Variants in DPH5 observed in about 807,000 individuals in gnomAD.
DPH5 encodes the protein diphthamide biosynthesis 5, also known as diphthine methyl ester synthase.
In DPH5, 31 loss-of-function variants were observed where a neutral mutation model predicts 31.6. The observed-to-expected ratio is 0.98, with a 90% CI of 0.74 to 1.32. The LOEUF is 1.32. Ranked by LOEUF, DPH5 falls within the 40% of genes most tolerant of loss-of-function variation. DPH5 has a pLI of 0.00. For missense variants in DPH5, 309 were observed against 335.7 expected, an observed-to-expected ratio of 0.92 and a Z score of 0.62; for synonymous variants, 120 against 115.0, an observed-to-expected ratio of 1.04 and a Z score of -0.28.
In DPH5 at chr1:101,025,313, G is replaced by GCTT. The variant is rs746152114; in HGVS notation, c.128_130dup (p.Glu43dup). ...TGGGGAACGCTCAGCACCTACCAAG[G>GCTT]CTTCCTTCCCTACAGTTAGGACTGA... is the stretch of plus-strand genomic sequence containing the variant. On this transcript the variant is annotated inframe_insertion, in exon 2 of 8. Coordinates refer to ENST00000370109, the MANE Select transcript of DPH5 (RefSeq NM_015958.3). 6.2e-7 allele frequency: 1 copy of GCTT among 1,613,880 alleles called. No individual in the cohort carries two copies. The highest frequency in any genetic ancestry group is 1.3e-5 in the African/African-American group (1 of 74,922).
At chr1:100,998,114 A>G (rs1658533712) in intron 5 of DPH5, among the ~76,000 whole-genome samples, 1 of 152,238 alleles carries the variant, frequency 6.6e-6, no homozygotes, top group Non-Finnish European at 1.5e-5. Context: ...TAAAATAAGA[A>G]AACATCATAC....
intron 3 of DPH5, among the ~76,000 whole-genome samples, chr1:101,016,114 G>T (rs1660055720): frequency 6.6e-6 from 1 of 152,066 alleles, no homozygotes; most frequent in South Asian, 2.1e-4. Flanking sequence ...CAGCACTTTG[G>T]GAGGCTGAGG....
intron 4 of DPH5, among the ~76,000 whole-genome samples, chr1:101,008,106 T>G (rs1165732983): frequency 2.0e-5 from 3 of 152,246 alleles, no homozygotes; most frequent in Non-Finnish European, 2.9e-5. Context: ...TGCTAAATGT[T>G]GGAAAAGAGG....
chr1:101,025,339 G>C lies in DPH5; in HGVS notation c.105C>G (p.Thr35=). ...CTTCCTTCCCTACAGTTAGGACTGA[G>C]GTGTAGGCTTCCAGATACACTCGAC... The part of the protein sequence containing the change: ...RCSRVYLEAY[T]SVLTVGKEAL... Residue 35 remains threonine (T), a synonymous_variant, in exon 2 of 8, where the codon ACC becomes ACG. Transcript: ENST00000370109. The C allele has an allele frequency of 6.2e-7, 1 of 1,614,224 alleles. No individual in the cohort carries two copies. The highest frequency in any genetic ancestry group is 8.5e-7 in the Non-Finnish European group (1 of 1,180,038).
Position 101,021,677 on chromosome 1 carries a change from C to T in DPH5, c.224G>A (p.Ser75Asn), listed in dbSNP as rs762145249. ...ACCAACCACAAGGAATGCAACATCA[C>T]TGATATCAGCATCCTTTAAAATATT... Reference protein sequence around the residue: ...ADNILKDADISDVAFLVVGDP... With the variant: ...ADNILKDADINDVAFLVVGDP... Residue 75 changes from serine to asparagine, a missense_variant, in exon 3 of 8, where the codon AGT (serine) becomes AAT (asparagine). Physicochemically the swap from Ser to Asn is conservative, Grantham distance 46. Transcript: ENST00000370109. The T allele has an allele frequency of 6.2e-7, 1 of 1,613,888 alleles. No homozygotes were observed. The highest frequency in any genetic ancestry group is 8.5e-7 in the Non-Finnish European group (1 of 1,179,828).
At chr1:101,005,704 T>A (rs1410391546) in intron 4 of DPH5, among the ~76,000 whole-genome samples, 2 of 152,172 alleles carry the variant, frequency 1.3e-5, no homozygotes, top group Non-Finnish European at 2.9e-5. Flanking sequence ...AAATAAGAAA[T>A]TCAACTCAGC....
At chr1:101,014,691 A>G (rs1016350940) in intron 3 of DPH5, among the ~76,000 whole-genome samples, 1 of 151,932 alleles carries the variant, frequency 6.6e-6, no homozygotes, top group Non-Finnish European at 1.5e-5. Context: ...TCTCTGTAGC[A>G]TGCAACATTG....
chr1:101,011,409 C>T (rs1659630014), intron 4 of DPH5, among the ~76,000 whole-genome samples: 1 of 152,094 alleles, frequency 6.6e-6, no homozygotes, highest in South Asian at 2.1e-4. Flanking sequence ...TAAAACTAAG[C>T]TGGGGGGAAA....
chr1:101,021,032 C>A (rs559328762), intron 3 of DPH5, among the ~76,000 whole-genome samples: 1 of 152,066 alleles, frequency 6.6e-6, no homozygotes, highest in Non-Finnish European at 1.5e-5. Flanking sequence ...CTTAGGTAAC[C>A]AGCTGTAGAC....
At chr1:101,019,719 C>T (rs1204494405) in intron 3 of DPH5, among the ~76,000 whole-genome samples, 2 of 151,548 alleles carry the variant, frequency 1.3e-5, no homozygotes, top group East Asian at 1.9e-4. Context: ...TATAATCTGC[C>T]GGTAAATAAA....
chr1:100,992,800 A>T lies in DPH5; in HGVS notation c.531-60T>A, dbSNP rs949093820. On this transcript the variant is annotated intron_variant, in intron 6 of 7. Transcript: ENST00000370109. ...CCATGAAACTACATAATATGTTATT[A>T]ATGCAATTAGCTCTCCCAGGTATAC... The T allele has an allele frequency of 3.4e-6, 4 of 1,173,986 alleles. No homozygotes were observed. In the African/African-American group the frequency reaches 4.5e-5, roughly 13 times the overall value. The allele number at this position is 1,173,986 out of a possible 1,614,324, so 72.7% of individuals were successfully genotyped here.
intron 5 of DPH5, among the ~76,000 whole-genome samples, chr1:100,997,945 G>T (rs1462809255): frequency 6.6e-6 from 1 of 152,124 alleles, no homozygotes; most frequent in Non-Finnish European, 1.5e-5. Context: ...GGATATATCT[G>T]ATGGCATAGT....
At chr1:101,003,012 T>C (rs145085645) in intron 4 of DPH5, among the ~76,000 whole-genome samples, 89 of 152,304 alleles carry the variant, frequency 5.8e-4, no homozygotes, top group Non-Finnish European at 1.8e-4. Flanking sequence ...ATGTTCTTCA[T>C]AGGCCACAGC....
At chr1:100,995,225 G>C (rs1215942020) in intron 5 of DPH5, 76 bp from the exon 6 acceptor site, 1 of 982,460 alleles carries the variant, frequency 1.0e-6, no homozygotes, top group Non-Finnish European at 1.6e-6. Flanking sequence ...CCTCAGTTAA[G>C]AGTCACCTAA....
At chr1:101,025,263 T>C (rs1660738859) in intron 2 of DPH5, 46 bp downstream of exon 2, 1 of 1,606,756 alleles carries the variant, frequency 6.2e-7, no homozygotes, top group Non-Finnish European at 8.5e-7. Context: ...AAATCAGATG[T>C]TAGATAGCTT....
intron 2 of DPH5, chr1:101,025,062 C>G: frequency 2.2e-6 from 1 of 461,312 alleles, no homozygotes; most frequent in South Asian, 3.0e-5. Context: ...TATAAAATAG[C>G]TTTCCTATTT....
intron 3 of DPH5, among the ~76,000 whole-genome samples, chr1:101,021,157 G>A (rs1225245175): frequency 6.6e-6 from 1 of 152,096 alleles, no homozygotes; most frequent in Non-Finnish European, 1.5e-5. Context: ...ATAAGAAACT[G>A]AAATCAGAGA....
rs758927507 is a variant in DPH5 at position 100,990,647 on chromosome 1, G to A, written c.635-16C>T. 1.3e-5 allele frequency: 21 copies of A among 1,594,344 alleles called. No homozygotes were observed. ...TCGGTAACTGCTATTAAAAAAAAAA[G>A]ATACTGCTATTCAATTCAGCAAATG... On this transcript the variant is annotated splice_polypyrimidine_tract_variant and intron_variant, in intron 7 of 7. Transcript: ENST00000370109.
intron 4 of DPH5, among the ~76,000 whole-genome samples, chr1:101,008,760 T>C (rs1659423209): frequency 6.6e-6 from 1 of 152,254 alleles, no homozygotes; most frequent in African/African-American, 2.4e-5. Flanking sequence ...TTCTGCCCTC[T>C]TGCCTATCTA....
Sources: allele counts gnomAD v4.1 joint callset (sites outside exome capture counted in the v4.1 genomes callset), GRCh38; gene constraint gnomAD v4.1.1; transcripts MANE v1.5; gene names NCBI Gene and HGNC (gene_info 2026-07-23, HGNC 2026-07-21).